VWF: variants seen among roughly 807,000 people sequenced by gnomAD.
VWF encodes von Willebrand factor, also known as Factor VIII related antigen.
A neutral mutation model predicts 308.6 loss-of-function variants in VWF; 176 were observed. That is an observed-to-expected ratio of 0.57 (90% CI 0.50 to 0.65). The LOEUF is 0.65. Ranked by LOEUF, VWF falls within the 30% of genes least tolerant of loss-of-function variation. The pLI is 0.00. For missense variants in VWF, 3,146 were observed against 3,648.2 expected, an observed-to-expected ratio of 0.86 and a Z score of 3.55; for synonymous variants, 1,385 against 1,443.4, an observed-to-expected ratio of 0.96 and a Z score of 0.92.
Position 6,072,414 on chromosome 12 carries a change from G to A in VWF, c.1026C>T (p.Cys342=), listed in dbSNP as rs780960745. The A allele has an allele frequency of 1.5e-5, 25 of 1,613,946 alleles. No individual in the cohort carries two copies. The highest frequency in any genetic ancestry group is 2.1e-5 in the Non-Finnish European group (25 of 1,180,046). Residue 342 remains cysteine (C), a synonymous_variant, in exon 9 of 52, where the codon TGC becomes TGT. Coordinates refer to ENST00000261405, the MANE Select transcript of VWF (RefSeq NM_000552.5). ...PEGQLLDEGL[C]VESTECPCVH... is the part of the protein sequence containing the mutation. ...CGCAGGGACACTCGGTGCTCTCCACGCAGAGGCCTTCATCCAGGAGCTGTC... is the reference window on the plus strand; with the variant it reads ...CGCAGGGACACTCGGTGCTCTCCACACAGAGGCCTTCATCCAGGAGCTGTC...
chr12:5,951,308 A>C (rs958434573), intron 50 of VWF, among the ~76,000 whole-genome samples: 5 of 152,136 alleles, frequency 3.3e-5, no homozygotes, highest in African/African-American at 1.2e-4. Context: ...CAGAGTGAAG[A>C]AGAGGGGGTG....
chr12:6,113,425 G>A (rs191222271), intron 3 of VWF, among the ~76,000 whole-genome samples: 2,700 of 151,818 alleles, frequency 0.018, 73 homozygotes, highest in African/African-American at 0.06. Flanking sequence ...AGCCTCCCGA[G>A]TAGCTGGGAC....
rs61751292 is a variant in VWF at position 5,971,658 on chromosome 12, A to G, written c.7489T>C (p.Ser2497Pro). The G allele has an allele frequency of 1.1e-5, 18 of 1,614,104 alleles. No homozygotes were observed. Among genetic ancestry groups the G allele is most frequent in the Non-Finnish European group, 1.4e-5 (16 of 1,180,038 alleles). Reference sequence around the variant, plus strand: ...GAGCCAGTCACCACCTCACAGGCAGATGGCAGGCACCTTCCACAGCACTCG... The same window carrying G: ...GAGCCAGTCACCACCTCACAGGCAGGTGGCAGGCACCTTCCACAGCACTCG... Reference protein sequence around the residue: ...EGECCGRCLPSACEVVTGSPR... With the variant: ...EGECCGRCLPPACEVVTGSPR... Residue 2497 changes from serine to proline, a missense_variant, in exon 44 of 52, where the codon TCT becomes CCT. This residue lies in a region of VWF where 989 missense variants were observed against 1,117.4 expected (regional missense o/e 0.89). Transcript: ENST00000261405.
In VWF at chr12:6,123,172, C is replaced by T. The variant is rs768885457; in HGVS notation, c.25G>A (p.Val9Met). Residue 9 changes from valine (V) to methionine (M), a missense_variant, in exon 2 of 52, where the codon GTG (valine) becomes ATG (methionine). Val to Met is a conservative substitution (Grantham distance 21, BLOSUM62 1). Around this residue, in one of 3 missense-constraint regions of VWF, gnomAD observed 1,304 missense variants for 1,353.0 expected, o/e 0.96. Coordinates refer to ENST00000261405, the MANE Select transcript of VWF (RefSeq NM_000552.5). MIPARFAG[V>M]LLALALILPG... Reference sequence around the variant, plus strand: ...AAAATGAGGGCCAGAGCAAGCAGCACCCCGGCAAATCTGGCAGGAATCATC... The same window carrying T: ...AAAATGAGGGCCAGAGCAAGCAGCATCCCGGCAAATCTGGCAGGAATCATC... 2.5e-6 allele frequency: 4 copies of T among 1,614,088 alleles called. No homozygotes were observed. The highest frequency in any genetic ancestry group is 2.7e-5 in the African/African-American group (2 of 74,932).
intron 2 of VWF, among the ~76,000 whole-genome samples, chr12:6,121,652 C>T (rs576758093): frequency 2.6e-5 from 4 of 152,236 alleles, no homozygotes; most frequent in South Asian, 2.1e-4. Context: ...AGAAGCTGGC[C>T]GGGCACAGTG....
At chr12:5,980,686 G>T (rs371591075) in intron 42 of VWF, among the ~76,000 whole-genome samples, 1 of 152,176 alleles carries the variant, frequency 6.6e-6, no homozygotes, top group Non-Finnish European at 1.5e-5. Flanking sequence ...CCAAAACTGC[G>T]TGCTTAGAAT....
At chr12:5,999,456 C>G (rs1178705057) in intron 34 of VWF, among the ~76,000 whole-genome samples, 1 of 134,996 alleles carries the variant, frequency 7.4e-6, no homozygotes, top group African/African-American at 2.9e-5. Context: ...CCTTCAGGAT[C>G]CACATGTACA....
At chr12:6,098,703 TG>T (rs1945130505) in intron 5 of VWF, among the ~76,000 whole-genome samples, 1 of 151,432 alleles carries the variant, frequency 6.6e-6, no homozygotes, top group Non-Finnish European at 1.5e-5. Context: ...GGTGTGAACC[TG>T]GGAGGCGGAC....
In VWF at chr12:6,011,667, T is replaced by C; in HGVS notation, c.5792A>G (p.Gln1931Arg). Residue 1931 changes from glutamine (Q) to arginine (R), a missense_variant, in exon 34 of 52, where the codon CAG (glutamine) becomes CGG (arginine). Gln to Arg is a conservative substitution (Grantham distance 43). Around this residue, in one of 3 missense-constraint regions of VWF, gnomAD observed 853 missense variants for 1,177.8 expected, o/e 0.72. Coordinates refer to ENST00000261405, the MANE Select transcript of VWF (RefSeq NM_000552.5). ...GGTCTCTTCCACTTTAACAGGGGAC[T>C]GGCTGTTAGGGCACGAAGGCCTCAG... The part of the protein sequence containing the change: ...RGLRPSCPNS[Q>R]SPVKVEETCG... 1 of 1,613,662 alleles carries C rather than the reference T, an allele frequency of 6.2e-7. No individual in the cohort carries two copies. The highest frequency in any genetic ancestry group is 8.5e-7 in the Non-Finnish European group (1 of 1,179,800).
intron 6 of VWF, among the ~76,000 whole-genome samples, chr12:6,086,788 A>G (rs1944977554): frequency 6.6e-6 from 1 of 152,226 alleles, no homozygotes; most frequent in Non-Finnish European, 1.5e-5. Flanking sequence ...GGCTTGAGCA[A>G]TATTTAATGA....
chr12:6,053,667 C>T (rs1452577442), intron 15 of VWF, among the ~76,000 whole-genome samples: 1 of 152,210 alleles, frequency 6.6e-6, no homozygotes, highest in Non-Finnish European at 1.5e-5. Flanking sequence ...CCCAGGTCCA[C>T]CACTAGCTGG....
At chr12:6,101,486 A>G (rs1230296532) in intron 5 of VWF, among the ~76,000 whole-genome samples, 1 of 152,202 alleles carries the variant, frequency 6.6e-6, no homozygotes, top group Non-Finnish European at 1.5e-5. Context: ...GATGAAATAA[A>G]AATATCCAGG....
intron 35 of VWF, among the ~76,000 whole-genome samples, chr12:5,995,540 TTA>T (rs140166046): frequency 3.3e-5 from 5 of 150,622 alleles, no homozygotes; most frequent in East Asian, 3.9e-4. Flanking sequence ...AATCAATCAT[TTA>T]TATATATATA....
At chr12:5,978,204 A>G (rs1186690419) in intron 42 of VWF, among the ~76,000 whole-genome samples, 1 of 151,620 alleles carries the variant, frequency 6.6e-6, no homozygotes, top group Non-Finnish European at 1.5e-5. Flanking sequence ...TAGTATTTAC[A>G]CAAATATCCC....
chr12:5,983,521 T>TTAGATAGA lies in VWF; in HGVS notation c.6977-275_6977-268dup, dbSNP rs79433577. Among the ~76,000 whole-genome samples, 1,320 of 136,564 alleles carry TTAGATAGA rather than the reference T, an allele frequency of 9.7e-3. 16 individuals are homozygous for TTAGATAGA. Among genetic ancestry groups the TTAGATAGA allele is most frequent in the African/African-American group, 0.028 (1,087 of 39,322 alleles). The allele number at this position is 136,564 out of a possible 152,430, so 89.6% of individuals were successfully genotyped here. On this transcript the variant is annotated intron_variant, in intron 40 of 51. Transcript: ENST00000261405. The stretch of plus-strand genomic sequence containing the variant: ...CATACAGGATAGATAACTAGGTACA[T>TTAGATAGA]TAGATAGATAGATAGATAGATGGAT...
At chr12:6,044,533 G>T in intron 17 of VWF, 82 bp from the exon 18 acceptor site, 1 of 1,517,218 alleles carries the variant, frequency 6.6e-7, no homozygotes, top group Non-Finnish European at 8.9e-7. Context: ...GTCCCCTAGA[G>T]TCTGTGACTA....
At position 6,103,322 on chromosome 12, in the gene VWF, G is replaced by A. The variant is rs562798883; in HGVS notation, c.532+7052C>T. On this transcript the variant is annotated intron_variant, in intron 5 of 51. Transcript: ENST00000261405. ...AGCCTGGGCAACAGAGCGAGACTCC[G>A]TCTCAAAAAATATATATATATATGT... Among the ~76,000 whole-genome samples the A allele has an allele frequency of 8.0e-5, 12 of 150,310 alleles. No homozygotes were observed. The East Asian group carries it at 1.2e-3, about 15-fold the overall frequency.
intron 32 of VWF, 94 bp downstream of exon 32, chr12:6,013,387 C>A: frequency 6.6e-7 from 1 of 1,504,136 alleles, no homozygotes; most frequent in Non-Finnish European, 9.2e-7. Context: ...TGCATGGGCA[C>A]CCTGGGGTCT....
intron 50 of VWF, 30 bp from the exon 51 acceptor site, chr12:5,949,913 G>A: frequency 6.2e-7 from 1 of 1,602,212 alleles, no homozygotes; most frequent in African/African-American, 1.3e-5. Flanking sequence ...TGAAACTTGA[G>A]GACTGGCTGG....
Sources: gnomAD v4.1 joint callset for allele counts (sites outside exome capture counted in the v4.1 genomes callset) on GRCh38, gnomAD v4.1.1 for gene constraint, gnomAD v4.1.1 regional missense constraint, MANE v1.5 for transcripts, NCBI Gene and HGNC (gene_info 2026-07-23, HGNC 2026-07-21) for gene names.